ARMH4: variants seen among roughly 807,000 people sequenced by gnomAD.
ARMH4 encodes armadillo like helical domain containing 4.
In ARMH4, 49 loss-of-function variants were observed where a neutral mutation model predicts 61.9. The observed-to-expected ratio is 0.79, with a 90% CI of 0.63 to 1.00. The LOEUF is 1.00. ARMH4 is among the 50% of genes least tolerant of loss of function. ARMH4 has a pLI of 0.00. For missense variants in ARMH4, 934 were observed against 930.0 expected, an observed-to-expected ratio of 1.00 and a Z score of -0.06; for synonymous variants, 368 against 341.5, an observed-to-expected ratio of 1.08 and a Z score of -0.85.
At chr14:58,031,491 GCA>G (rs766664002) in intron 5 of ARMH4, among the ~76,000 whole-genome samples, 1 of 152,126 alleles carries the variant, frequency 6.6e-6, no homozygotes, top group Non-Finnish European at 1.5e-5. Flanking sequence ...TAACACTGCA[GCA>G]AGTTACAAAT....
At chr14:58,115,961 C>T (rs1239454439) in intron 4 of ARMH4, among the ~76,000 whole-genome samples, 4 of 152,084 alleles carry the variant, frequency 2.6e-5, no homozygotes, top group East Asian at 1.9e-4. Context: ...TCTAGTACTA[C>T]GCTCACTACC....
chr14:58,001,611 G>A lies in ARMH4; in HGVS notation c.*3125C>T, dbSNP rs1439975273. Reference sequence around the variant, plus strand: ...ATAATAGCCATCCCAATAGGTGTGAGGTGGTATCTCATTGTGACTTTAAAT... The same window carrying A: ...ATAATAGCCATCCCAATAGGTGTGAAGTGGTATCTCATTGTGACTTTAAAT... On this transcript the variant is annotated 3_prime_UTR_variant, in exon 8 of 8. Coordinates refer to ENST00000267485, the MANE Select transcript of ARMH4 (RefSeq NM_001001872.4). 2.0e-5 allele frequency: 3 copies of A among 152,120 alleles called. No individual in the cohort carries two copies. Among genetic ancestry groups the A allele is most frequent in the Non-Finnish European group, 4.4e-5 (3 of 68,030 alleles). The allele number at this position is 152,120 out of a possible 1,614,324, so 9.4% of individuals were successfully genotyped here.
chr14:58,127,448 A>G (rs1249557827), intron 4 of ARMH4, among the ~76,000 whole-genome samples: 3 of 152,170 alleles, frequency 2.0e-5, no homozygotes, highest in African/African-American at 4.8e-5. Context: ...GCCTTTCGCC[A>G]TGATTGTGAG....
At chr14:58,022,331 T>C (rs777396604) in intron 5 of ARMH4, among the ~76,000 whole-genome samples, 38 of 152,298 alleles carry the variant, frequency 2.5e-4, no homozygotes, top group South Asian at 1.2e-3. Context: ...AAGACCGTTG[T>C]GATAATCTCC....
At chr14:58,127,084 C>T (rs1886919556) in intron 4 of ARMH4, among the ~76,000 whole-genome samples, 1 of 152,116 alleles carries the variant, frequency 6.6e-6, no homozygotes, top group South Asian at 2.1e-4. Context: ...TTACCCCGGC[C>T]AAGAATTAAA....
chr14:58,129,605 AG>A (rs1446636962), intron 4 of ARMH4, among the ~76,000 whole-genome samples: 2 of 152,220 alleles, frequency 1.3e-5, no homozygotes, highest in Non-Finnish European at 1.5e-5. Context: ...CGGGCAAGGT[AG>A]AAAAACATGC....
intron 5 of ARMH4, among the ~76,000 whole-genome samples, chr14:58,039,400 A>G (rs1043449279): frequency 6.6e-6 from 1 of 152,188 alleles, no homozygotes; most frequent in East Asian, 1.9e-4. Flanking sequence ...AGAAACGCCT[A>G]TTTACCCATG....
intron 5 of ARMH4, among the ~76,000 whole-genome samples, chr14:58,015,375 C>A (rs1291684535): frequency 1.3e-5 from 2 of 152,038 alleles, no homozygotes; most frequent in Non-Finnish European, 2.9e-5. Context: ...TTCTGGTGGG[C>A]ACAGGTCTAA....
intron 5 of ARMH4, among the ~76,000 whole-genome samples, chr14:58,056,983 A>C (rs375207567): frequency 5.9e-5 from 9 of 152,112 alleles, no homozygotes; most frequent in Admixed American, 4.6e-4. Flanking sequence ...CCCACCAACC[A>C]TACCCCAGAC....
intron 4 of ARMH4, among the ~76,000 whole-genome samples, chr14:58,110,966 C>T (rs1886336410): frequency 6.6e-6 from 1 of 152,094 alleles, no homozygotes; most frequent in South Asian, 2.1e-4. Context: ...ATTGGCCAGG[C>T]TGCTCTTGAG....
chr14:58,004,995 T>C lies in ARMH4; in HGVS notation c.2256+53A>G, dbSNP rs972120938. On this transcript the variant is annotated intron_variant, in intron 7 of 7. Coordinates refer to ENST00000267485, the MANE Select transcript of ARMH4 (RefSeq NM_001001872.4). Reference sequence around the variant, plus strand: ...CGTGTGCTTTATTAAGTAAATTAGATAAGCAAAGAATGTTCTGAAACTGAT... The same window carrying C: ...CGTGTGCTTTATTAAGTAAATTAGACAAGCAAAGAATGTTCTGAAACTGAT... 137 of 1,609,498 alleles carry C rather than the reference T, an allele frequency of 8.5e-5. No individual in the cohort carries two copies. In the African/African-American group the frequency reaches 1.1e-3, roughly 13 times the overall value.
intron 4 of ARMH4, among the ~76,000 whole-genome samples, chr14:58,125,121 T>G (rs370460666): frequency 6.6e-6 from 1 of 150,840 alleles, no homozygotes; most frequent in Non-Finnish European, 1.5e-5. Context: ...GAAAGGAAAA[T>G]AGAAGGAAAC....
At chr14:58,080,288 C>T (rs1234359403) in intron 5 of ARMH4, among the ~76,000 whole-genome samples, 1 of 152,028 alleles carries the variant, frequency 6.6e-6, no homozygotes, top group Non-Finnish European at 1.5e-5. Flanking sequence ...CGCCACCACA[C>T]CTGGCTAATT....
intron 6 of ARMH4, among the ~76,000 whole-genome samples, chr14:58,009,269 T>C (rs568282359): frequency 6.6e-6 from 1 of 152,188 alleles, no homozygotes; most frequent in South Asian, 2.1e-4. Context: ...GCCTTTATTC[T>C]TCCCCTTTAA....
chr14:58,071,819 G>T (rs1447123196), intron 5 of ARMH4, among the ~76,000 whole-genome samples: 1 of 152,198 alleles, frequency 6.6e-6, no homozygotes, highest in African/African-American at 2.4e-5. Context: ...AAATCAGGAG[G>T]AAGGATATTC....
At chr14:58,049,676 T>A (rs1457123720) in intron 5 of ARMH4, among the ~76,000 whole-genome samples, 1 of 151,946 alleles carries the variant, frequency 6.6e-6, no homozygotes, top group Admixed American at 6.6e-5. Flanking sequence ...AGTGGTTAAG[T>A]GCCCATGATG....
intron 6 of ARMH4, among the ~76,000 whole-genome samples, chr14:58,011,081 C>T (rs1477939217): frequency 6.6e-6 from 1 of 152,094 alleles, no homozygotes; most frequent in East Asian, 1.9e-4. Flanking sequence ...CAATTGGACC[C>T]ATTACAAATA....
At chr14:58,083,003 C>T (rs1237596740) in intron 5 of ARMH4, among the ~76,000 whole-genome samples, 1 of 152,128 alleles carries the variant, frequency 6.6e-6, no homozygotes, top group Admixed American at 6.5e-5. Flanking sequence ...TCTCTCTTTC[C>T]TGCCTCCTGG....
intron 5 of ARMH4, among the ~76,000 whole-genome samples, chr14:58,077,024 T>G (rs919673571): frequency 1.3e-5 from 2 of 152,168 alleles, no homozygotes; most frequent in African/African-American, 2.4e-5. Flanking sequence ...TGGCCCCTTC[T>G]GAACACCCCA....
Sources: allele counts gnomAD v4.1 joint callset (sites outside exome capture counted in the v4.1 genomes callset), GRCh38; gene constraint gnomAD v4.1.1; transcripts MANE v1.5; gene names NCBI Gene and HGNC (gene_info 2026-07-23, HGNC 2026-07-21).